PIP5KL1: variants seen among roughly 807,000 people sequenced by gnomAD.
PIP5KL1 encodes phosphatidylinositol 4-phosphate 5-kinase-like protein 1.
A neutral mutation model predicts 47.6 loss-of-function variants in PIP5KL1; 45 were observed. The observed-to-expected ratio is 0.94, with a 90% CI of 0.74 to 1.21. PIP5KL1 has a LOEUF of 1.21. PIP5KL1 is among the 50% of genes most tolerant of loss of function. The pLI, the probability that PIP5KL1 is intolerant of heterozygous loss-of-function variation, is 0.00. For synonymous variants in PIP5KL1, 256 were observed against 234.6 expected, an observed-to-expected ratio of 1.09 and a Z score of -0.84; for missense variants, 577 against 547.6, an observed-to-expected ratio of 1.05 and a Z score of -0.54.
intron 9 of PIP5KL1, 148 bp downstream of exon 9, chr9:127,924,959 C>T (rs986250931): frequency 6.4e-5 from 68 of 1,060,712 alleles, no homozygotes; most frequent in Middle Eastern, 2.1e-4. Flanking sequence ...CACACACGCG[C>T]GCACACGCAC....
chr9:127,926,014 T>C (rs1332316720), intron 7 of PIP5KL1, 35 bp from the exon 8 acceptor site: 3 of 1,485,124 alleles, frequency 2.0e-6, no homozygotes, highest in South Asian at 2.3e-5. Context: ...TTTACATAGA[T>C]TTGAGACACA....
chr9:127,926,291 C>CT (rs1831362498), intron 7 of PIP5KL1, among the ~76,000 whole-genome samples: 1 of 142,256 alleles, frequency 7.0e-6, no homozygotes, highest in Non-Finnish European at 1.5e-5. Flanking sequence ...AGGTCTTACT[C>CT]TGTCACCCAG....
At position 127,927,842 on chromosome 9, in the gene PIP5KL1, G is replaced by A. The variant is rs1411809495; in HGVS notation, c.435-70C>T. 2.0e-6 allele frequency: 3 copies of A among 1,517,872 alleles called. No individual in the cohort carries two copies. Among genetic ancestry groups the A allele is most frequent in the South Asian group, 2.5e-5 (2 of 80,560 alleles). The allele number at this position is 1,517,872 out of a possible 1,614,324, so 94.0% of individuals were successfully genotyped here. A position where few individuals can be genotyped will look rare whatever the true frequency, so the allele number is the denominator to read the frequency against. On this transcript the variant is annotated intron_variant, in intron 4 of 9. Transcript: ENST00000388747. This position sits in a 1 kb window ranked among gnomAD's most constrained non-coding sequence, Gnocchi z 5.5. Reference sequence around the variant, plus strand: ...CGGCTCCCACCCGGCCCCCTTCCCCGACCTGTGCACGTGGATCTCGCTCCC... The same window carrying A: ...CGGCTCCCACCCGGCCCCCTTCCCCAACCTGTGCACGTGGATCTCGCTCCC...
Position 127,930,769 on chromosome 9 carries a change from TC to T in PIP5KL1, c.-18del. 6.5e-7 allele frequency: 1 copy of T among 1,537,506 alleles called. No individual in the cohort carries two copies. Reference sequence around the variant, plus strand: ...CGCAGCCATCGCCCCCGCAGCAGCTTCCCGGGCTTTGGCCGCATTCCCCGCC... The same window carrying T: ...CGCAGCCATCGCCCCCGCAGCAGCTTCCGGGCTTTGGCCGCATTCCCCGCC... On this transcript the variant is annotated 5_prime_UTR_variant, in exon 1 of 10. Coordinates refer to ENST00000388747, the MANE Select transcript of PIP5KL1 (RefSeq NM_001135219.2).
At chr9:127,925,540 A>G in intron 8 of PIP5KL1, 1 of 475,480 alleles carries the variant, frequency 2.1e-6, no homozygotes. Flanking sequence ...ATCTCGGCTC[A>G]CTGCAACCTC....
intron 9 of PIP5KL1, among the ~76,000 whole-genome samples, chr9:127,922,816 G>A (rs1049692785): frequency 2.6e-5 from 4 of 152,060 alleles, no homozygotes; most frequent in Non-Finnish European, 4.4e-5. Context: ...CATTTTGGAT[G>A]TATTGAGTAA....
At chr9:127,926,049 G>A (rs1831357127) in intron 7 of PIP5KL1, 70 bp from the exon 8 acceptor site, 4 of 1,109,004 alleles carry the variant, frequency 3.6e-6, no homozygotes, top group East Asian at 4.9e-5. Context: ...AGAGCTTCCA[G>A]TGACTACTTA....
chr9:127,922,056 G>T lies in PIP5KL1; in HGVS notation c.976C>A (p.Pro326Thr), dbSNP rs756715757. ...ESRAQNRRLL[P>T]DAPNALHILD... Reference sequence around the variant, plus strand: ...ATGTGTAGGGCGTTGGGGGCGTCGGGCAGCAGCCGGCGGTTTTGGGCTCTC... The same window carrying T: ...ATGTGTAGGGCGTTGGGGGCGTCGGTCAGCAGCCGGCGGTTTTGGGCTCTC... The change falls in exon 10 of 10, where the codon CCC becomes ACC. Residue 326 changes from proline to threonine, a missense_variant. Pro to Thr is a conservative substitution (Grantham distance 38, BLOSUM62 -1). Coordinates refer to ENST00000388747, the MANE Select transcript of PIP5KL1 (RefSeq NM_001135219.2). 6 of 1,564,112 alleles carry T rather than the reference G, an allele frequency of 3.8e-6. No individual in the cohort carries two copies. The highest frequency in any genetic ancestry group is 1.8e-5 in the Admixed American group (1 of 54,132).
intron 1 of PIP5KL1, among the ~76,000 whole-genome samples, chr9:127,930,232 C>G (rs187907633): frequency 1.2e-4 from 18 of 152,344 alleles, no homozygotes; most frequent in African/African-American, 4.1e-4. Context: ...AAAACTAGAA[C>G]AGCTTCTTCG....
intron 1 of PIP5KL1, 32 bp downstream of exon 1, chr9:127,930,691 C>A: frequency 1.3e-6 from 2 of 1,547,968 alleles, no homozygotes; most frequent in Non-Finnish European, 1.7e-6. Flanking sequence ...CCAACCCTTC[C>A]CTCTCCTGTC....
intron 2 of PIP5KL1, 189 bp from the exon 3 acceptor site, chr9:127,928,672 G>C: frequency 1.6e-6 from 1 of 632,730 alleles, no homozygotes; most frequent in Admixed American, 3.0e-5. Flanking sequence ...GGGATGCCAG[G>C]GGGACAAGAG....
chr9:127,926,248 G>A (rs1169105121), intron 7 of PIP5KL1, among the ~76,000 whole-genome samples: 1 of 105,886 alleles, frequency 9.4e-6, no homozygotes, highest in Non-Finnish European at 1.9e-5. Context: ...TTTTGGAGAT[G>A]GAGTCTCACC....
chr9:127,926,009 A>G lies in PIP5KL1; in HGVS notation c.651-30T>C, dbSNP rs773034563. On this transcript the variant is annotated intron_variant, in intron 7 of 9. Coordinates refer to ENST00000388747, the MANE Select transcript of PIP5KL1 (RefSeq NM_001135219.2). Reference sequence around the variant, plus strand: ...GTGGGGGGACAGAATTCAGCTTTACATAGATTTGAGACACAGAGAGAATCT... The same window carrying G: ...GTGGGGGGACAGAATTCAGCTTTACGTAGATTTGAGACACAGAGAGAATCT... 2.6e-6 allele frequency: 4 copies of G among 1,528,380 alleles called. No homozygotes were observed. In the East Asian group the frequency reaches 6.8e-5, roughly 26 times the overall value. The allele number at this position is 1,528,380 out of a possible 1,614,324, so 94.7% of individuals were successfully genotyped here.
Position 127,927,866 on chromosome 9 carries a change from C to CGTG in PIP5KL1, c.435-95_435-94insCAC. 13 of 1,502,188 alleles carry CGTG rather than the reference C, an allele frequency of 8.7e-6. No homozygotes were observed. The highest frequency in any genetic ancestry group is 1.1e-5 in the Non-Finnish European group (13 of 1,131,618). 93.1% of individuals were successfully genotyped at this position (1,502,188 alleles called of 1,614,324 possible). Reference sequence around the variant, plus strand: ...CGACCTGTGCACGTGGATCTCGCTCCCAGGTCTCGGCACCGCCTCTCTCGC... The same window carrying CGTG: ...CGACCTGTGCACGTGGATCTCGCTCCGTGCAGGTCTCGGCACCGCCTCTCTCGC... On this transcript the variant is annotated intron_variant, in intron 4 of 9. Coordinates refer to ENST00000388747, the MANE Select transcript of PIP5KL1 (RefSeq NM_001135219.2). This position sits in a 1 kb window ranked among gnomAD's most constrained non-coding sequence, Gnocchi z 5.5.
chr9:127,927,981 G>A lies in PIP5KL1; in HGVS notation c.434+84C>T. ...AGGGCCGCTCTGTTTCTCTCTTCAG[G>A]GGGCCTTCCCCGCCACTGGGAATTC... is the stretch of plus-strand genomic sequence containing the variant. On this transcript the variant is annotated intron_variant, in intron 4 of 9. Coordinates refer to ENST00000388747, the MANE Select transcript of PIP5KL1 (RefSeq NM_001135219.2). This position sits in a 1 kb window ranked among gnomAD's most constrained non-coding sequence, Gnocchi z 5.5. The A allele has an allele frequency of 1.4e-6, 2 of 1,456,932 alleles. No individual in the cohort carries two copies. The highest frequency in any genetic ancestry group is 1.4e-5 in the South Asian group (1 of 70,852). The allele number at this position is 1,456,932 out of a possible 1,614,324, so 90.3% of individuals were successfully genotyped here.
At position 127,922,051 on chromosome 9, in the gene PIP5KL1, G is replaced by C; in HGVS notation, c.981C>G (p.Asp327Glu). Residue 327 changes from aspartate to glutamate, a missense_variant, in exon 10 of 10, where the codon GAC becomes GAG. By Grantham distance (45) the Asp-to-Glu change is conservative. Transcript: ENST00000388747. ...SRAQNRRLLP[D>E]APNALHILDG... ...CCAGGATGTGTAGGGCGTTGGGGGC[G>C]TCGGGCAGCAGCCGGCGGTTTTGGG... 1 of 1,567,116 alleles carries C rather than the reference G, an allele frequency of 6.4e-7. No homozygotes were observed. Among genetic ancestry groups the C allele is most frequent in the South Asian group, 1.2e-5 (1 of 85,916 alleles).
In PIP5KL1 at chr9:127,921,997, G is replaced by A. The variant is rs1286222307; in HGVS notation, c.1035C>T (p.Gly345=). The change falls in exon 10 of 10, where the codon GGC becomes GGT. Residue 345 remains glycine, a synonymous_variant. Transcript: ENST00000388747. Reference sequence around the variant, plus strand: ...CGTAGACTGTGGCGAGATCCACGACGCCCAGGAAATAGCGCTGCTCGGGCC... The same window carrying A: ...CGTAGACTGTGGCGAGATCCACGACACCCAGGAAATAGCGCTGCTCGGGCC... ...LDGPEQRYFL[G]VVDLATVYGL... is the part of the protein sequence containing the mutation. The A allele has an allele frequency of 3.8e-6, 6 of 1,577,422 alleles. No individual in the cohort carries two copies. In the East Asian group the frequency reaches 7.1e-5, roughly 19 times the overall value.
At chr9:127,923,758 T>G (rs1015203762) in intron 9 of PIP5KL1, among the ~76,000 whole-genome samples, 4 of 152,272 alleles carry the variant, frequency 2.6e-5, no homozygotes, top group African/African-American at 9.6e-5. Flanking sequence ...ACTGGATCAA[T>G]GGAGTGCCTG....
chr9:127,924,395 C>G (rs548586036), intron 9 of PIP5KL1, among the ~76,000 whole-genome samples: 9 of 151,498 alleles, frequency 5.9e-5, no homozygotes, highest in Admixed American at 3.3e-4. Context: ...GAGGCTGAGG[C>G]AGGAAGAACT....
Sources: gnomAD v4.1 joint callset for allele counts (sites outside exome capture counted in the v4.1 genomes callset) on GRCh38, gnomAD v4.1.1 for gene constraint, Gnocchi (gnomAD v3.1) non-coding constraint, MANE v1.5 for transcripts, NCBI Gene and HGNC (gene_info 2026-07-23, HGNC 2026-07-21) for gene names.